WWOX: variants seen among roughly 807,000 people sequenced by gnomAD.
WWOX encodes WW domain-containing oxidoreductase.
Under a neutral mutation model 46.2 loss-of-function variants are expected in WWOX, and 69 were observed. The ratio of observed to expected loss-of-function variants is 1.49; its 90% CI spans 1.23 to 1.82. The LOEUF (loss-of-function observed/expected upper bound fraction) is 1.82. Among genes scored for constraint, WWOX ranks in the 40% most tolerant of loss-of-function variants. WWOX has a pLI of 0.00. For synonymous variants in WWOX, 359 were observed against 202.6 expected (o/e 1.77, Z -6.56); for missense variants, 919 against 542.6 (o/e 1.69, Z -6.89).
At chr16:78,534,897 A>C (rs909771352) in intron 8 of WWOX, among the ~76,000 whole-genome samples, 3 of 151,928 alleles carry the variant, frequency 2.0e-5, no homozygotes, top group Admixed American at 2.0e-4. Flanking sequence ...GTATTTTAGT[A>C]GAGACTGGGT....
At chr16:79,143,212 A>G (rs2050122778) in intron 8 of WWOX, among the ~76,000 whole-genome samples, 1 of 152,120 alleles carries the variant, frequency 6.6e-6, no homozygotes, top group African/African-American at 2.4e-5. Context: ...TGTCAATCCT[A>G]TTGTCTTTCC....
chr16:78,144,733 C>T (rs2034139839), intron 4 of WWOX, among the ~76,000 whole-genome samples: 1 of 151,070 alleles, frequency 6.6e-6, no homozygotes, highest in Non-Finnish European at 1.5e-5. Flanking sequence ...ATTGGCCAGG[C>T]CAGTCTCAAA....
chr16:78,510,837 A>T (rs971063288), intron 8 of WWOX, among the ~76,000 whole-genome samples: 1 of 152,202 alleles, frequency 6.6e-6, no homozygotes, highest in Non-Finnish European at 1.5e-5. Context: ...ATCAGCTGCT[A>T]ACTTTCAAGG....
chr16:78,898,694 C>G (rs934736576), intron 8 of WWOX: 2 of 152,176 alleles, frequency 1.3e-5, no homozygotes, highest in African/African-American at 4.8e-5. Flanking sequence ...ATCTCTTGAT[C>G]AATTTGAGGA....
chr16:78,238,476 C>G (rs2037516269), intron 5 of WWOX, among the ~76,000 whole-genome samples: 1 of 151,716 alleles, frequency 6.6e-6, no homozygotes, highest in Non-Finnish European at 1.5e-5. Flanking sequence ...ATTTTTGTGT[C>G]TTTGTAGAGA....
intron 5 of WWOX, among the ~76,000 whole-genome samples, chr16:78,283,251 G>A (rs2079711371): frequency 6.6e-6 from 1 of 152,102 alleles, no homozygotes; most frequent in Admixed American, 6.5e-5. Context: ...CATGCAAGGA[G>A]GAACGATGCA....
chr16:78,910,263 T>C (rs1567642442), intron 8 of WWOX, among the ~76,000 whole-genome samples: 1 of 150,238 alleles, frequency 6.7e-6, no homozygotes, highest in Non-Finnish European at 1.5e-5. Flanking sequence ...ATTCCCTGCT[T>C]TCTCCTGACA....
At chr16:78,521,200 G>A (rs2043341604) in intron 8 of WWOX, among the ~76,000 whole-genome samples, 1 of 152,066 alleles carries the variant, frequency 6.6e-6, no homozygotes, top group Admixed American at 6.6e-5. Flanking sequence ...TATCTTCTTG[G>A]CTCTTTGATA....
chr16:78,320,910 G>C (rs923017521), intron 5 of WWOX, among the ~76,000 whole-genome samples: 2 of 152,134 alleles, frequency 1.3e-5, no homozygotes, highest in Non-Finnish European at 2.9e-5. Flanking sequence ...TGAAGCTGTT[G>C]TCTTGCTTTG....
At chr16:78,269,793 C>T (rs2079438121) in intron 5 of WWOX, among the ~76,000 whole-genome samples, 1 of 152,082 alleles carries the variant, frequency 6.6e-6, no homozygotes, top group Non-Finnish European at 1.5e-5. Context: ...GCCGACATAA[C>T]TGAAAATTGC....
chr16:79,119,000 G>A (rs2049574012), intron 8 of WWOX, among the ~76,000 whole-genome samples: 1 of 152,160 alleles, frequency 6.6e-6, no homozygotes, highest in African/African-American at 2.4e-5. Context: ...GCATAAAGCA[G>A]TTTCTATAGT....
intron 8 of WWOX, among the ~76,000 whole-genome samples, chr16:78,447,627 G>A (rs1331299644): frequency 6.6e-6 from 1 of 152,174 alleles, no homozygotes; most frequent in African/African-American, 2.4e-5. Flanking sequence ...TTAGTCGGAG[G>A]CGGAAGGAAA....
At chr16:78,628,500 A>G (rs945006757) in intron 8 of WWOX, among the ~76,000 whole-genome samples, 2 of 152,188 alleles carry the variant, frequency 1.3e-5, no homozygotes, top group African/African-American at 4.8e-5. Flanking sequence ...CCCACCTAAC[A>G]GACTTGCCAG....
chr16:78,566,242 A>G (rs1187665769), intron 8 of WWOX, among the ~76,000 whole-genome samples: 1 of 152,100 alleles, frequency 6.6e-6, no homozygotes, highest in Non-Finnish European at 1.5e-5. Flanking sequence ...CCCACCTCCA[A>G]GTACTGTCAC....
chr16:78,444,243 A>C (rs965135716), intron 8 of WWOX, among the ~76,000 whole-genome samples: 6 of 152,052 alleles, frequency 3.9e-5, no homozygotes, highest in African/African-American at 1.2e-4. Flanking sequence ...GTAATTTTAG[A>C]GTGTGTTCTC....
chr16:78,487,979 G>A (rs1000788570), intron 8 of WWOX, among the ~76,000 whole-genome samples: 5 of 152,134 alleles, frequency 3.3e-5, no homozygotes, highest in African/African-American at 4.8e-5. Context: ...CCCAAGCTTC[G>A]AAAGAGGTAC....
At chr16:78,755,947 C>T (rs2049635712) in intron 8 of WWOX, among the ~76,000 whole-genome samples, 1 of 152,130 alleles carries the variant, frequency 6.6e-6, no homozygotes, top group Non-Finnish European at 1.5e-5. Flanking sequence ...GCCAAGGAGA[C>T]AGTTTTCTGG....
chr16:78,975,613 T>G (rs918358504), intron 8 of WWOX, among the ~76,000 whole-genome samples: 6 of 152,044 alleles, frequency 3.9e-5, no homozygotes, highest in Admixed American at 3.9e-4. Context: ...AATGAAAGGG[T>G]GAACAGTGTT....
intron 8 of WWOX, among the ~76,000 whole-genome samples, chr16:79,086,017 A>G (rs2048847666): frequency 1.3e-5 from 2 of 152,070 alleles, no homozygotes; most frequent in Non-Finnish European, 2.9e-5. Flanking sequence ...GGCTGCAGTG[A>G]GCCATGACTG....
Sources: gnomAD v4.1 joint callset for allele counts (sites outside exome capture counted in the v4.1 genomes callset) on GRCh38, gnomAD v4.1.1 for gene constraint, MANE v1.5 for transcripts, NCBI Gene and HGNC (gene_info 2026-07-23, HGNC 2026-07-21) for gene names.